Variants in SLC30A8 observed in about 807,000 individuals in gnomAD.
The protein encoded by SLC30A8 is solute carrier family 30 member 8, also known as proton-coupled zinc antiporter SLC30A8.
Under a neutral mutation model 36.9 loss-of-function variants are expected in SLC30A8, and 27 were observed. That is an observed-to-expected ratio of 0.73 (90% CI 0.54 to 1.01). The LOEUF (loss-of-function observed/expected upper bound fraction) is 1.01. SLC30A8 is among the 50% of genes least tolerant of loss of function. The pLI, the probability that SLC30A8 is intolerant of heterozygous loss-of-function variation, is 0.00. For synonymous variants in SLC30A8, 164 were observed against 172.4 expected (o/e 0.95, Z 0.38); for missense variants, 439 against 452.0 (o/e 0.97, Z 0.26).
At chr8:116,994,766 C>A (rs762400151) in intron 1 of SLC30A8, among the ~76,000 whole-genome samples, 1 of 151,942 alleles carries the variant, frequency 6.6e-6, no homozygotes, top group African/African-American at 2.4e-5. Context: ...TATATTATAC[C>A]TCTCCTGTCT....
chr8:117,136,308 GGTTT>G (rs1412458217), intron 1 of SLC30A8, among the ~76,000 whole-genome samples: 1 of 151,950 alleles, frequency 6.6e-6, no homozygotes. Context: ...ATGTGAGCTT[GGTTT>G]GTTTGAGGAG....
At chr8:117,121,602 C>A (rs1820698377) in intron 2 of SLC30A8, among the ~76,000 whole-genome samples, 1 of 151,888 alleles carries the variant, frequency 6.6e-6, no homozygotes, top group African/African-American at 2.4e-5. Context: ...CCCAAAGATG[C>A]CACCTCCTAA....
At chr8:117,109,662 A>C (rs977557911) in intron 2 of SLC30A8, among the ~76,000 whole-genome samples, 4 of 152,192 alleles carry the variant, frequency 2.6e-5, no homozygotes, top group African/African-American at 9.6e-5. Context: ...GACAATGCTG[A>C]AACACCCATT....
chr8:117,060,432 G>A (rs1033232732), intron 2 of SLC30A8, among the ~76,000 whole-genome samples: 3 of 152,006 alleles, frequency 2.0e-5, no homozygotes, highest in East Asian at 1.9e-4. Context: ...AGGAGAGGAC[G>A]GCATGAGAGT....
At chr8:117,171,940 T>C (rs1823406688) in intron 7 of SLC30A8, among the ~76,000 whole-genome samples, 1 of 152,096 alleles carries the variant, frequency 6.6e-6, no homozygotes, top group African/African-American at 2.4e-5. Context: ...CGAAGGGGCT[T>C]AGGTCTGACT....
At chr8:117,146,576 A>T (rs1821903600) in intron 1 of SLC30A8, among the ~76,000 whole-genome samples, 1 of 151,912 alleles carries the variant, frequency 6.6e-6, no homozygotes, top group African/African-American at 2.4e-5. Context: ...ATCGTAATGT[A>T]CCCTAATTTA....
chr8:117,157,655 CTG>C, intron 3 of SLC30A8, 34 bp from the exon 4 acceptor site: 1 of 1,610,214 alleles, frequency 6.2e-7, no homozygotes, highest in South Asian at 1.1e-5. Flanking sequence ...ATGGAGTTAT[CTG>C]TGTGTGGGTT....
At chr8:117,141,899 C>T (rs1003445422) in intron 1 of SLC30A8, among the ~76,000 whole-genome samples, 1 of 152,120 alleles carries the variant, frequency 6.6e-6, no homozygotes, top group African/African-American at 2.4e-5. Flanking sequence ...TATGAATTAG[C>T]TAAAAATCTC....
chr8:116,986,785 CATA>C (rs1407228258), intron 1 of SLC30A8, among the ~76,000 whole-genome samples: 3 of 152,034 alleles, frequency 2.0e-5, no homozygotes, highest in African/African-American at 7.2e-5. Flanking sequence ...CACTGCAACT[CATA>C]ATGATGATCC....
At chr8:116,959,956 G>A (rs3020114) in intron 1 of SLC30A8, among the ~76,000 whole-genome samples, 82,157 of 151,922 alleles carry the variant, frequency 0.54, 22,927 homozygotes, top group South Asian at 0.61. Flanking sequence ...CTTTAGCTTC[G>A]TTGGTCATCA....
intron 1 of SLC30A8, among the ~76,000 whole-genome samples, chr8:117,144,634 T>A (rs1317434780): frequency 6.6e-6 from 1 of 152,308 alleles, no homozygotes; most frequent in African/African-American, 2.4e-5. Context: ...CTGCCTTCCA[T>A]ATTTTAAACA....
intron 2 of SLC30A8, among the ~76,000 whole-genome samples, chr8:117,119,336 C>T (rs893324740): frequency 8.6e-5 from 13 of 151,774 alleles, no homozygotes; most frequent in Admixed American, 5.9e-4. Flanking sequence ...TTTGGGGAGT[C>T]GGTCCATATT....
chr8:117,059,639 A>G (rs1182783918), intron 2 of SLC30A8, among the ~76,000 whole-genome samples: 1 of 152,098 alleles, frequency 6.6e-6, no homozygotes, highest in Non-Finnish European at 1.5e-5. Flanking sequence ...CTTGGTTTCT[A>G]CTCCATCATG....
intron 2 of SLC30A8, among the ~76,000 whole-genome samples, chr8:117,092,964 A>G (rs143128730): frequency 9.7e-4 from 147 of 152,264 alleles, no homozygotes; most frequent in African/African-American, 3.3e-3. Flanking sequence ...GAGGAATGTC[A>G]TATATCCCCT....
intron 1 of SLC30A8, among the ~76,000 whole-genome samples, chr8:116,972,017 TAAAG>T (rs1420412378): frequency 2.6e-5 from 4 of 152,304 alleles, no homozygotes; most frequent in African/African-American, 9.6e-5. Flanking sequence ...TTTCCTATCA[TAAAG>T]AAACCTAGTG....
intron 3 of SLC30A8, among the ~76,000 whole-genome samples, chr8:117,155,245 T>C (rs531840822): frequency 5.4e-4 from 82 of 152,338 alleles, no homozygotes; most frequent in Admixed American, 1.3e-3. Flanking sequence ...TCCTGACTCT[T>C]GCTCTTGGTA....
chr8:116,951,980 C>A (rs1330895531), intron 1 of SLC30A8, among the ~76,000 whole-genome samples: 1 of 151,868 alleles, frequency 6.6e-6, no homozygotes, highest in Non-Finnish European at 1.5e-5. Flanking sequence ...AAGTTGAGTG[C>A]TAAGGGAGTG....
chr8:117,172,299 G>C (rs1254207619), intron 7 of SLC30A8, among the ~76,000 whole-genome samples: 1 of 152,130 alleles, frequency 6.6e-6, no homozygotes, highest in African/African-American at 2.4e-5. Context: ...CCAGACTCCA[G>C]AGATAACAGT....
chr8:117,155,067 A>G (rs1047861395), intron 3 of SLC30A8, among the ~76,000 whole-genome samples: 1 of 152,150 alleles, frequency 6.6e-6, no homozygotes, highest in African/African-American at 2.4e-5. Context: ...AGTCCAACAC[A>G]TTCATACGCA....
Sources: allele counts gnomAD v4.1 joint callset (sites outside exome capture counted in the v4.1 genomes callset), GRCh38; gene constraint gnomAD v4.1.1; transcripts MANE v1.5; gene names NCBI Gene and HGNC (gene_info 2026-07-23, HGNC 2026-07-21).